The following SNX24 variants were observed in gnomAD, a reference collection of about 807,000 sequenced individuals.
The protein encoded by SNX24 is sorting nexin-24.
In SNX24, 22 loss-of-function variants were observed where a neutral mutation model predicts 28.7. The ratio of observed to expected loss-of-function variants is 0.77; its 90% confidence interval spans 0.55 to 1.10. The LOEUF is 1.10. SNX24 is among the 50% of genes least tolerant of loss of function. The pLI is 0.00. For synonymous variants in SNX24, 69 were observed against 71.5 expected (o/e 0.96, Z 0.18); for missense variants, 221 against 201.1 (o/e 1.10, Z -0.60).
intron 5 of SNX24, chr5:123,022,474 T>TG (rs1333590030): frequency 1.3e-5 from 2 of 152,774 alleles, no homozygotes; most frequent in African/African-American, 4.8e-5. Context: ...CCCATTAGTT[T>TG]TTTTTTTTTT....
At chr5:122,915,493 G>T (rs974102773) in intron 1 of SNX24, among the ~76,000 whole-genome samples, 1 of 152,096 alleles carries the variant, frequency 6.6e-6, no homozygotes, top group African/African-American at 2.4e-5. Context: ...CAGGCCTGGT[G>T]GTGTCACCTG....
chr5:122,936,832 G>C lies in SNX24; in HGVS notation c.144+15G>C. On this transcript the variant is annotated intron_variant, in intron 2 of 6. Transcript: ENST00000261369. ...TGCACAAAAAGGTAACTTGTTTTCT[G>C]TTTTTTTGTCTTTTCTCTATGTGGC... 6.4e-7 allele frequency: 1 copy of C among 1,565,656 alleles called. No homozygotes were observed. The highest frequency in any genetic ancestry group is 8.8e-7 in the Non-Finnish European group (1 of 1,139,382).
chr5:122,959,714 G>T (rs1410865661), intron 3 of SNX24, among the ~76,000 whole-genome samples: 1 of 151,700 alleles, frequency 6.6e-6, no homozygotes, highest in African/African-American at 2.4e-5. Flanking sequence ...CATTAATTTA[G>T]GTTACACACC....
chr5:122,917,051 G>A (rs1454073730), intron 1 of SNX24, among the ~76,000 whole-genome samples: 3 of 152,062 alleles, frequency 2.0e-5, no homozygotes, highest in African/African-American at 4.8e-5. Flanking sequence ...GACGGATCAC[G>A]AGGTCAAGAG....
intron 1 of SNX24, among the ~76,000 whole-genome samples, chr5:122,891,524 G>A (rs929662441): frequency 6.6e-6 from 1 of 152,024 alleles, no homozygotes; most frequent in Non-Finnish European, 1.5e-5. Context: ...ATTTTTTAAA[G>A]TAAATTGCAA....
intron 1 of SNX24, among the ~76,000 whole-genome samples, chr5:122,920,005 A>G (rs1758353039): frequency 6.6e-6 from 1 of 152,258 alleles, no homozygotes; most frequent in African/African-American, 2.4e-5. Context: ...GTGTTTGTTT[A>G]CAACGTTTAG....
chr5:122,890,106 G>A (rs1413760977), intron 1 of SNX24, among the ~76,000 whole-genome samples: 2 of 152,072 alleles, frequency 1.3e-5, no homozygotes, highest in Non-Finnish European at 2.9e-5. Context: ...TCGTCTGATG[G>A]TTCCTTATAG....
Position 123,009,143 on chromosome 5 carries a change from AT to A in SNX24, c.*1401del, listed in dbSNP as rs1198276848. On this transcript the variant is annotated 3_prime_UTR_variant, in exon 7 of 7. Transcript: ENST00000261369. ...CAAAAGTAATAGTTGGGTATTGGAG[AT>A]TTTTTTAAAATGTTTTTATGTTATT... 4.7e-5 allele frequency: 46 copies of A among 984,808 alleles called. No individual in the cohort carries two copies. The highest frequency in any genetic ancestry group is 5.3e-5 in the Non-Finnish European group (44 of 829,122). The allele number at this position is 984,808 out of a possible 1,614,324, so 61.0% of individuals were successfully genotyped here.
intron 1 of SNX24, among the ~76,000 whole-genome samples, chr5:122,920,108 T>G (rs779325911): frequency 6.6e-6 from 1 of 152,196 alleles, no homozygotes; most frequent in Non-Finnish European, 1.5e-5. Flanking sequence ...CTTGATTGCC[T>G]TCTTTTTCAG....
In SNX24 at chr5:122,891,152, C is replaced by T; in HGVS notation, c.60+45459C>T. On this transcript the variant is annotated intron_variant, in intron 1 of 6. Transcript: ENST00000261369. Reference sequence around the variant, plus strand: ...TATTTTTGACTGTAGAAAACTTTACCTAGTGTTTTTTTGTTTTTTGTTTTT... The same window carrying T: ...TATTTTTGACTGTAGAAAACTTTACTTAGTGTTTTTTTGTTTTTTGTTTTT... 2.1e-6 allele frequency: 3 copies of T among 1,435,952 alleles called. No homozygotes were observed. The South Asian group carries it at 4.7e-5, about 22-fold the overall frequency. 89.0% of individuals were successfully genotyped at this position (1,435,952 alleles called of 1,614,324 possible).
At chr5:122,955,931 G>A (rs1760189938) in intron 3 of SNX24, among the ~76,000 whole-genome samples, 1 of 152,142 alleles carries the variant, frequency 6.6e-6, no homozygotes, top group Non-Finnish European at 1.5e-5. Context: ...CATGAGTAGA[G>A]GTGAGGGCCA....
At chr5:122,958,101 A>G (rs1760296152) in intron 3 of SNX24, among the ~76,000 whole-genome samples, 1 of 152,102 alleles carries the variant, frequency 6.6e-6, no homozygotes. Flanking sequence ...AGTTTTGTTC[A>G]TGGTTGTAGA....
chr5:122,973,329 C>G (rs1761035006), intron 3 of SNX24, among the ~76,000 whole-genome samples: 1 of 152,250 alleles, frequency 6.6e-6, no homozygotes, highest in South Asian at 2.1e-4. Context: ...AGGTTCACTG[C>G]TCAAAGTTCT....
At chr5:123,018,688 A>C (rs1458938263) in intron 5 of SNX24, among the ~76,000 whole-genome samples, 1 of 151,840 alleles carries the variant, frequency 6.6e-6, no homozygotes, top group Non-Finnish European at 1.5e-5. Flanking sequence ...CTAGGGTGGG[A>C]ATTTTTTTTT....
intron 1 of SNX24, among the ~76,000 whole-genome samples, chr5:122,877,569 C>T (rs1756280289): frequency 6.6e-6 from 1 of 152,036 alleles, no homozygotes; most frequent in Non-Finnish European, 1.5e-5. Flanking sequence ...ATTTAGTATC[C>T]TCTCTCTCAT....
chr5:122,851,505 T>A (rs1454800288), intron 1 of SNX24, among the ~76,000 whole-genome samples: 1 of 152,212 alleles, frequency 6.6e-6, no homozygotes, highest in African/African-American at 2.4e-5. Context: ...ATCACAGCGT[T>A]GAATTAGATT....
intron 1 of SNX24, among the ~76,000 whole-genome samples, chr5:122,906,974 C>T (rs1401499885): frequency 1.3e-5 from 2 of 152,160 alleles, no homozygotes; most frequent in South Asian, 2.1e-4. Context: ...TGGCTACAGG[C>T]CACCAGTGCC....
intron 1 of SNX24, among the ~76,000 whole-genome samples, chr5:122,891,668 G>A (rs572967315): frequency 6.6e-6 from 1 of 152,208 alleles, no homozygotes; most frequent in South Asian, 2.1e-4. Flanking sequence ...AAGTATTACT[G>A]GATCTTCCAG....
At chr5:122,941,523 T>G (rs1759444934) in intron 2 of SNX24, among the ~76,000 whole-genome samples, 1 of 152,190 alleles carries the variant, frequency 6.6e-6, no homozygotes, top group Admixed American at 6.5e-5. Flanking sequence ...CTTTCTTCCC[T>G]AATCTCTTTG....
Sources: gnomAD v4.1 joint callset for allele counts (sites outside exome capture counted in the v4.1 genomes callset) on GRCh38, gnomAD v4.1.1 for gene constraint, MANE v1.5 for transcripts, NCBI Gene and HGNC (gene_info 2026-07-23, HGNC 2026-07-21) for gene names.